NDUFS4: variants seen among roughly 807,000 people sequenced by gnomAD.
The protein encoded by NDUFS4 is NADH:ubiquinone oxidoreductase subunit S4.
Under a neutral mutation model 24.3 loss-of-function variants are expected in NDUFS4, and 28 were observed. The ratio of observed to expected loss-of-function variants is 1.15; its 90% CI spans 0.85 to 1.58. The LOEUF is 1.58. Among genes scored for constraint, NDUFS4 ranks in the 40% most tolerant of loss-of-function variants. The pLI is 0.00. For synonymous variants in NDUFS4, 93 were observed against 69.7 expected, an observed-to-expected ratio of 1.34 and a Z score of -1.67; for missense variants, 223 against 207.9, an observed-to-expected ratio of 1.07 and a Z score of -0.45.
chr5:53,581,357 C>T (rs962816122), intron 1 of NDUFS4, among the ~76,000 whole-genome samples: 11 of 152,122 alleles, frequency 7.2e-5, no homozygotes, highest in Admixed American at 3.9e-4. Flanking sequence ...TCAGTTTGTT[C>T]TCCATGTTGG....
chr5:53,637,164 A>G (rs1432680734), intron 2 of NDUFS4, among the ~76,000 whole-genome samples: 1 of 152,046 alleles, frequency 6.6e-6, no homozygotes, highest in Admixed American at 6.6e-5. Context: ...GACTCTTCAT[A>G]AGACTTTGCA....
chr5:53,633,390 G>A (rs1751463910), intron 2 of NDUFS4, among the ~76,000 whole-genome samples: 1 of 152,092 alleles, frequency 6.6e-6, no homozygotes, highest in Non-Finnish European at 1.5e-5. Flanking sequence ...ACCTTTCCCT[G>A]ACCATACAAC....
intron 2 of NDUFS4, among the ~76,000 whole-genome samples, chr5:53,642,266 G>A (rs1293630304): frequency 6.6e-6 from 1 of 152,144 alleles, no homozygotes; most frequent in African/African-American, 2.4e-5. Flanking sequence ...GGAGGTTCCT[G>A]TGGAGCAGCT....
intron 2 of NDUFS4, among the ~76,000 whole-genome samples, chr5:53,614,785 A>G (rs1421214266): frequency 6.6e-6 from 1 of 151,934 alleles, no homozygotes; most frequent in Admixed American, 6.6e-5. Context: ...CGTACTTGAC[A>G]CTTGCTTTCA....
chr5:53,679,984 T>G (rs1740606415), intron 4 of NDUFS4, among the ~76,000 whole-genome samples: 1 of 152,174 alleles, frequency 6.6e-6, no homozygotes, highest in South Asian at 2.1e-4. Flanking sequence ...TTCTTAAAAG[T>G]CTTTTCAACA....
rs530798997 is a variant in NDUFS4, at chr5:53,616,217, A to ATT, written c.177+12698_177+12699dup. On this transcript the variant is annotated intron_variant, in intron 2 of 4. Transcript: ENST00000296684. ...TATTATCCTTTCCTTCATTCATTCA[A>ATT]TTTTTTTTTTTTAGCATATTCTAGG... Among the ~76,000 whole-genome samples the ATT allele has an allele frequency of 5.9e-4, 87 of 147,822 alleles. 1 individual carries two copies. Among genetic ancestry groups the ATT allele is most frequent in the Admixed American group, 8.1e-4 (12 of 14,832 alleles).
At chr5:53,675,215 G>T (rs915082968) in intron 4 of NDUFS4, among the ~76,000 whole-genome samples, 1 of 125,252 alleles carries the variant, frequency 8.0e-6, no homozygotes, top group East Asian at 2.7e-4. Context: ...AGGCTGAAGT[G>T]CAGTGGCTGC....
chr5:53,586,259 A>G (rs529059725), intron 1 of NDUFS4, among the ~76,000 whole-genome samples: 16 of 147,092 alleles, frequency 1.1e-4, no homozygotes, highest in African/African-American at 3.5e-4. Flanking sequence ...AACCTGGGAG[A>G]TGGAAGTTGC....
intron 2 of NDUFS4, among the ~76,000 whole-genome samples, chr5:53,628,346 T>C (rs988469462): frequency 2.6e-5 from 4 of 152,210 alleles, no homozygotes; most frequent in Admixed American, 1.3e-4. Flanking sequence ...CATTTTCTTT[T>C]TTTGTTGTGT....
intron 2 of NDUFS4, among the ~76,000 whole-genome samples, chr5:53,644,636 G>GT (rs757583778): frequency 3.3e-5 from 5 of 151,940 alleles, no homozygotes; most frequent in Non-Finnish European, 7.4e-5. Flanking sequence ...ACCAATTAAA[G>GT]TATTTCACAC....
rs1197802638 is a variant in NDUFS4 at position 53,646,318 on chromosome 5, A to G, written c.263A>G (p.Gln88Arg). Reference sequence around the variant, plus strand: ...TTTGTTCCTGCTCGCAATAACATGCAGTCTGGAGTAAACAACACAAAGAAA... The same window carrying G: ...TTTGTTCCTGCTCGCAATAACATGCGGTCTGGAGTAAACAACACAAAGAAA... The part of the protein sequence containing the change: ...RIFVPARNNM[Q>R]SGVNNTKKWK... Residue 88 changes from glutamine to arginine, a missense_variant, in exon 3 of 5, where the codon CAG (glutamine) becomes CGG (arginine). Coordinates refer to ENST00000296684, the MANE Select transcript of NDUFS4 (RefSeq NM_002495.4). 6.2e-7 allele frequency: 1 copy of G among 1,613,628 alleles called. No individual in the cohort carries two copies. Among genetic ancestry groups the G allele is most frequent in the East Asian group, 2.2e-5 (1 of 44,860 alleles).
intron 1 of NDUFS4, among the ~76,000 whole-genome samples, chr5:53,574,324 A>AT (rs1749317132): frequency 6.6e-6 from 1 of 152,292 alleles, no homozygotes; most frequent in Non-Finnish European, 1.5e-5. Context: ...TTATGCATCA[A>AT]TTGGTGTAGT....
chr5:53,628,885 C>T (rs1379387393), intron 2 of NDUFS4, among the ~76,000 whole-genome samples: 1 of 151,988 alleles, frequency 6.6e-6, no homozygotes, highest in Admixed American at 6.6e-5. Context: ...TCCTTCAATC[C>T]TGCTCTGATA....
intron 1 of NDUFS4, among the ~76,000 whole-genome samples, chr5:53,592,204 G>A (rs1009394129): frequency 2.0e-5 from 3 of 152,008 alleles, no homozygotes; most frequent in African/African-American, 4.8e-5. Context: ...CGCCCGCCTC[G>A]GCCTCCCAAA....
intron 4 of NDUFS4, among the ~76,000 whole-genome samples, chr5:53,675,084 C>A (rs1740416738): frequency 6.6e-6 from 1 of 150,602 alleles, no homozygotes; most frequent in African/African-American, 2.4e-5. Context: ...CCATTTTCTT[C>A]TCTGAAAATT....
At chr5:53,594,698 T>C (rs1579849953) in intron 1 of NDUFS4, among the ~76,000 whole-genome samples, 1 of 152,268 alleles carries the variant, frequency 6.6e-6, no homozygotes, top group East Asian at 1.9e-4. Context: ...TTCCTTTATA[T>C]GAATTTGTTG....
At chr5:53,620,012 G>T (rs1444348006) in intron 2 of NDUFS4, among the ~76,000 whole-genome samples, 1 of 151,906 alleles carries the variant, frequency 6.6e-6, no homozygotes, top group Non-Finnish European at 1.5e-5. Flanking sequence ...TAAATTGAAG[G>T]GTTTAGTATC....
chr5:53,629,755 T>G (rs1751350573), intron 2 of NDUFS4, among the ~76,000 whole-genome samples: 2 of 152,222 alleles, frequency 1.3e-5, no homozygotes, highest in Admixed American at 1.3e-4. Flanking sequence ...TATCCCTTTA[T>G]TTTGAGCCTA....
chr5:53,581,283 T>A (rs150800463), intron 1 of NDUFS4, among the ~76,000 whole-genome samples: 32 of 152,322 alleles, frequency 2.1e-4, no homozygotes, highest in African/African-American at 7.7e-4. Flanking sequence ...TCTGAATCAA[T>A]TTCCATCTTT....
Sources: gnomAD v4.1 joint callset for allele counts (sites outside exome capture counted in the v4.1 genomes callset) on GRCh38, gnomAD v4.1.1 for gene constraint, MANE v1.5 for transcripts, NCBI Gene and HGNC (gene_info 2026-07-23, HGNC 2026-07-21) for gene names.